DIAPH2: variants seen among roughly 807,000 people sequenced by gnomAD.
DIAPH2 encodes the protein diaphanous related formin 2.
In DIAPH2, 35 loss-of-function variants were observed where a neutral mutation model predicts 92.7. The observed-to-expected ratio is 0.38, with a 90% CI of 0.29 to 0.50. The LOEUF (loss-of-function observed/expected upper bound fraction) is 0.50, where lower values mean the gene tolerates loss of function less well. Ranked by LOEUF, DIAPH2 falls within the 20% of genes least tolerant of loss-of-function variation. The probability of loss-of-function intolerance (pLI) is 0.94; values close to 1 mark genes in which losing one functional copy is unlikely to be tolerated. For synonymous variants in DIAPH2, 301 were observed against 280.4 expected (o/e 1.07, Z -0.73); for missense variants, 701 against 819.5 (o/e 0.86, Z 1.77).
At chrX:97,147,843 G>A (rs894609084) in intron 22 of DIAPH2, among the ~76,000 whole-genome samples, 12 of 111,356 alleles carry the variant, frequency 1.1e-4, no homozygotes, top group Non-Finnish European at 1.9e-4. Context: ...GTTAGTTACC[G>A]ATTAGCTGTT....
chrX:96,842,173 C>T (rs1306760319), intron 4 of DIAPH2, among the ~76,000 whole-genome samples: 3 of 111,902 alleles, frequency 2.7e-5, no homozygotes, highest in East Asian at 5.6e-4. Context: ...TGCCCTCCTT[C>T]CCCAAGCTAC....
At chrX:96,902,575 G>A (rs2065405169) in intron 5 of DIAPH2, among the ~76,000 whole-genome samples, 1 of 111,161 alleles carries the variant, frequency 9.0e-6, no homozygotes, top group Admixed American at 9.6e-5. Flanking sequence ...GGTAATTCCT[G>A]CGTTAATTAC....
rs191221092 is a variant in DIAPH2 at position 97,222,043 on chromosome X, T to C, written c.2720-25672T>C. The stretch of plus-strand genomic sequence containing the variant: ...TTCCAATGGTATTCAAAGTGTTAAT[T>C]GTATTTCTACAGCAAACTTCATCGT... On this transcript the variant is annotated intron_variant, in intron 22 of 26. Coordinates refer to ENST00000324765, the MANE Select transcript of DIAPH2 (RefSeq NM_006729.5). Among the ~76,000 whole-genome samples the C allele has an allele frequency of 4.7e-4, 53 of 111,778 alleles. No individual in the cohort carries two copies. The East Asian group carries it at 5.9e-3, about 12-fold the overall frequency.
intron 17 of DIAPH2, among the ~76,000 whole-genome samples, chrX:96,985,590 T>C (rs1484904514): frequency 9.0e-6 from 1 of 111,101 alleles, no homozygotes; most frequent in African/African-American, 3.3e-5. Context: ...TGCTATGTTT[T>C]GCAAGTTTAT....
At chrX:97,000,488 C>T (rs1284036203) in intron 17 of DIAPH2, among the ~76,000 whole-genome samples, 2 of 110,738 alleles carry the variant, frequency 1.8e-5, no homozygotes, top group Non-Finnish European at 3.8e-5. Context: ...TTCTGTAAAA[C>T]ATTTATAATA....
At chrX:97,595,247 A>C (rs1235135819) in intron 26 of DIAPH2, among the ~76,000 whole-genome samples, 1 of 112,736 alleles carries the variant, frequency 8.9e-6, no homozygotes, top group Non-Finnish European at 1.9e-5. Flanking sequence ...CTTTGTACAT[A>C]GTTGCTGAAT....
At chrX:97,252,192 G>C (rs1001867163) in intron 23 of DIAPH2, among the ~76,000 whole-genome samples, 1 of 111,784 alleles carries the variant, frequency 8.9e-6, no homozygotes, top group African/African-American at 3.3e-5. Context: ...TTTACTTGCA[G>C]AGATTTTGTC....
Position 97,188,499 on chromosome X carries a change from T to G in DIAPH2, c.2719+46705T>G, listed in dbSNP as rs750529771. Among the ~76,000 whole-genome samples the G allele has an allele frequency of 2.5e-3, 286 of 112,414 alleles. 6 individuals carry two copies. The highest frequency in any genetic ancestry group is 2.8e-3 in the Non-Finnish European group (151 of 53,277). ...AGCTTTACTGTTTCTTCTTCCCATTTAACTGATAGCTCAGTAGATAAAAAA... is the reference window on the plus strand; with the variant it reads ...AGCTTTACTGTTTCTTCTTCCCATTGAACTGATAGCTCAGTAGATAAAAAA... On this transcript the variant is annotated intron_variant, in intron 22 of 26. Transcript: ENST00000324765.
chrX:97,381,825 C>T (rs1297300919), intron 24 of DIAPH2, among the ~76,000 whole-genome samples: 1 of 112,013 alleles, frequency 8.9e-6, no homozygotes, highest in Non-Finnish European at 1.9e-5. Context: ...ATGTTTAAAA[C>T]TCCTGGTACA....
At chrX:96,970,304 C>G (rs1004952077) in intron 17 of DIAPH2, among the ~76,000 whole-genome samples, 1 of 111,311 alleles carries the variant, frequency 9.0e-6, no homozygotes, top group African/African-American at 3.3e-5. Flanking sequence ...GCTCTTCTTT[C>G]TATGTCTGGT....
In DIAPH2 at chrX:96,977,454, A is replaced by G. The variant is rs144032947; in HGVS notation, c.2050+12247A>G. 7.5e-4 allele frequency among the ~76,000 whole-genome samples: 84 copies of G among 111,323 alleles called. No homozygotes were observed. The East Asian group carries it at 0.016, about 22-fold the overall frequency. On this transcript the variant is annotated intron_variant, in intron 17 of 26. Transcript: ENST00000324765. The stretch of plus-strand genomic sequence containing the variant: ...TGAGATGCATAAAGTAATGAAATCA[A>G]TTTTTCACTTTGACTCTTTTGAAGG...
intron 22 of DIAPH2, among the ~76,000 whole-genome samples, chrX:97,151,265 TCAAC>T (rs910259775): frequency 8.1e-5 from 9 of 111,623 alleles, no homozygotes; most frequent in Admixed American, 5.7e-4. Context: ...ATGTTTTACT[TCAAC>T]CAAGCGGTTT....
At chrX:97,001,915 G>C (rs1343141662) in intron 17 of DIAPH2, among the ~76,000 whole-genome samples, 1 of 110,102 alleles carries the variant, frequency 9.1e-6, no homozygotes, top group Non-Finnish European at 1.9e-5. Flanking sequence ...TTCCAAATAG[G>C]GTACGATATT....
intron 22 of DIAPH2, among the ~76,000 whole-genome samples, chrX:97,175,732 A>G (rs1026668158): frequency 6.2e-5 from 7 of 112,300 alleles, no homozygotes; most frequent in African/African-American, 2.3e-4. Flanking sequence ...AAAATAGCTG[A>G]CAACTGCCTA....
intron 26 of DIAPH2, among the ~76,000 whole-genome samples, chrX:97,530,343 A>T (rs960087794): frequency 1.8e-5 from 2 of 111,984 alleles, no homozygotes; most frequent in African/African-American, 6.5e-5. Context: ...AATAATGTTC[A>T]GGGCCCTCCA....
chrX:96,722,026 T>C (rs1385474784), intron 1 of DIAPH2, among the ~76,000 whole-genome samples: 1 of 111,834 alleles, frequency 8.9e-6, no homozygotes, highest in Non-Finnish European at 1.9e-5. Flanking sequence ...AATTAACAAT[T>C]TCCTTTTAGG....
intron 4 of DIAPH2, among the ~76,000 whole-genome samples, chrX:96,776,041 AAGCTG>A (rs2057008876): frequency 9.0e-6 from 1 of 111,373 alleles, no homozygotes; most frequent in African/African-American, 3.3e-5. Context: ...AACTTTGTAA[AAGCTG>A]ACGTCTTCTA....
chrX:97,483,405 G>GAT (rs1237415850), intron 26 of DIAPH2, among the ~76,000 whole-genome samples: 1 of 110,805 alleles, frequency 9.0e-6, no homozygotes, highest in Admixed American at 9.7e-5. Context: ...GCAAAAGAGA[G>GAT]AGAGAGAGAA....
rs748871643 is a variant in DIAPH2 at position 96,953,169 on chromosome X, AT to A, written c.1614+4132del. ...AAAGGACACTATCCCAAGAAATTTA[AT>A]TAGCTTTTTTTGTTGTTCACTGAAA... On this transcript the variant is annotated intron_variant, in intron 15 of 26. Coordinates refer to ENST00000324765, the MANE Select transcript of DIAPH2 (RefSeq NM_006729.5). 4.5e-5 allele frequency among the ~76,000 whole-genome samples: 5 copies of A among 111,794 alleles called. No homozygotes were observed. In the South Asian group the frequency reaches 1.9e-3, roughly 42 times the overall value.
Sources: allele counts gnomAD v4.1 joint callset (sites outside exome capture counted in the v4.1 genomes callset), GRCh38; gene constraint gnomAD v4.1.1; transcripts MANE v1.5; gene names NCBI Gene and HGNC (gene_info 2026-07-23, HGNC 2026-07-21).